MCC: variants seen among roughly 807,000 people sequenced by gnomAD.
The protein encoded by MCC is MCC regulator of Wnt signaling pathway, also known as colorectal mutant cancer protein.
MCC carries 90 observed loss-of-function variants against 116.2 expected under a neutral mutation model. That is an observed-to-expected ratio of 0.77 (90% CI 0.65 to 0.92). MCC has a LOEUF of 0.92. Among genes scored for constraint, MCC ranks in the 40% least tolerant of loss-of-function variants. The pLI is 0.00. For missense variants in MCC, 1,516 were observed against 1,312.2 expected (o/e 1.16, Z -2.40); for synonymous variants, 578 against 510.5 (o/e 1.13, Z -1.78).
At chr5:113,253,562 G>T (rs1342555367) in intron 3 of MCC, among the ~76,000 whole-genome samples, 1 of 152,094 alleles carries the variant, frequency 6.6e-6, no homozygotes, top group Non-Finnish European at 1.5e-5. Context: ...GAAAGAAAAG[G>T]CCAACAGGGG....
intron 3 of MCC, among the ~76,000 whole-genome samples, chr5:113,202,499 A>G (rs1033313045): frequency 2.0e-5 from 3 of 152,220 alleles, no homozygotes; most frequent in African/African-American, 7.2e-5. Flanking sequence ...GTTAGCCTAC[A>G]GGATCATCAC....
chr5:113,198,812 G>C (rs889732679), intron 3 of MCC, among the ~76,000 whole-genome samples: 4 of 152,102 alleles, frequency 2.6e-5, no homozygotes, highest in African/African-American at 9.7e-5. Flanking sequence ...GCTGGGCTGG[G>C]TTGGGAGGCG....
intron 3 of MCC, among the ~76,000 whole-genome samples, chr5:113,266,718 A>G (rs1293080308): frequency 6.6e-6 from 1 of 152,144 alleles, no homozygotes; most frequent in Non-Finnish European, 1.5e-5. Flanking sequence ...GCACTTACAA[A>G]GCTTTTTTGC....
intron 2 of MCC, among the ~76,000 whole-genome samples, chr5:113,360,951 G>A (rs887835688): frequency 6.6e-6 from 1 of 152,134 alleles, no homozygotes; most frequent in Non-Finnish European, 1.5e-5. Flanking sequence ...CATGCCCTTA[G>A]CTAGCCCAGT....
intron 1 of MCC, among the ~76,000 whole-genome samples, chr5:113,460,349 T>A (rs1288068747): frequency 6.6e-6 from 1 of 152,168 alleles, no homozygotes; most frequent in Non-Finnish European, 1.5e-5. Context: ...GTCCAGCAGC[T>A]CTCTGTTTGG....
chr5:113,461,650 G>A (rs1771746090), intron 1 of MCC, among the ~76,000 whole-genome samples: 1 of 150,836 alleles, frequency 6.6e-6, no homozygotes, highest in Non-Finnish European at 1.5e-5. Flanking sequence ...CAGCCTGAGT[G>A]ACAGAGTGGG....
At chr5:113,240,424 T>C (rs1217555896) in intron 3 of MCC, among the ~76,000 whole-genome samples, 6 of 152,326 alleles carry the variant, frequency 3.9e-5, no homozygotes, top group South Asian at 2.1e-4. Context: ...CTGCTTATGA[T>C]AGGTGTGGAA....
intron 8 of MCC, chr5:113,101,489 G>C: frequency 2.0e-6 from 1 of 505,732 alleles, no homozygotes; most frequent in South Asian, 2.5e-5. Context: ...TCACTGCCCC[G>C]ATGTAATTTT....
At chr5:113,155,044 C>A (rs1056769796) in intron 3 of MCC, among the ~76,000 whole-genome samples, 6 of 152,186 alleles carry the variant, frequency 3.9e-5, no homozygotes, top group Non-Finnish European at 8.8e-5. Flanking sequence ...ACTATCCTCA[C>A]ATTCTTCCCC....
At chr5:113,041,006 G>A (rs533797415) in intron 17 of MCC, among the ~76,000 whole-genome samples, 10 of 152,320 alleles carry the variant, frequency 6.6e-5, no homozygotes, top group East Asian at 1.9e-4. Context: ...TTTCCATCCC[G>A]TGTTTCTGGC....
intron 1 of MCC, among the ~76,000 whole-genome samples, chr5:113,446,052 G>T (rs1381592470): frequency 1.3e-5 from 2 of 152,132 alleles, no homozygotes; most frequent in African/African-American, 4.8e-5. Context: ...ATATGCAGAA[G>T]AATTCAACTG....
chr5:113,335,979 A>G (rs923644504), intron 3 of MCC, among the ~76,000 whole-genome samples: 2 of 151,718 alleles, frequency 1.3e-5, no homozygotes, highest in African/African-American at 4.9e-5. Context: ...TTATTGGCTT[A>G]TAGTTCTGGA....
At chr5:113,433,696 A>G in intron 1 of MCC, 1 of 1,577,568 alleles carries the variant, frequency 6.3e-7, no homozygotes, top group South Asian at 1.2e-5. Flanking sequence ...CTTGGGCTTT[A>G]AGCCGTGAGC....
intron 3 of MCC, among the ~76,000 whole-genome samples, chr5:113,280,145 A>G (rs1765986885): frequency 2.0e-5 from 3 of 152,172 alleles, no homozygotes; most frequent in Admixed American, 1.3e-4. Flanking sequence ...ATCTGGCTGG[A>G]AACAAAGCTC....
chr5:113,113,651 C>A (rs200200398), intron 6 of MCC, among the ~76,000 whole-genome samples: 1,704 of 108,028 alleles, frequency 0.016, no homozygotes, highest in Non-Finnish European at 0.017. Flanking sequence ...TATGTTCTTG[C>A]AAAAAAAAAA....
intron 17 of MCC, among the ~76,000 whole-genome samples, chr5:113,029,411 G>A (rs1447317858): frequency 6.7e-6 from 1 of 150,258 alleles, no homozygotes; most frequent in Non-Finnish European, 1.5e-5. Flanking sequence ...ACCCCCGTCT[G>A]TCTCCATCCC....
intron 3 of MCC, among the ~76,000 whole-genome samples, chr5:113,190,611 A>G (rs1186519424): frequency 5.9e-5 from 9 of 152,198 alleles, no homozygotes; most frequent in African/African-American, 2.2e-4. Context: ...GAAAAAACCA[A>G]ACAGACAAAA....
chr5:113,481,509 C>T (rs887425353), intron 1 of MCC, among the ~76,000 whole-genome samples: 11 of 152,120 alleles, frequency 7.2e-5, no homozygotes, highest in African/African-American at 9.6e-5. Flanking sequence ...GAGGCTGAGG[C>T]GGGTGGATCA....
At chr5:113,400,019 TG>T (rs1157002997) in intron 1 of MCC, 15 of 152,280 alleles carry the variant, frequency 9.9e-5, no homozygotes, top group Non-Finnish European at 1.5e-4. Flanking sequence ...TATGTTTACA[TG>T]TTTTTTTAAC....
Sources: allele counts gnomAD v4.1 joint callset (sites outside exome capture counted in the v4.1 genomes callset), GRCh38; gene constraint gnomAD v4.1.1; transcripts MANE v1.5; gene names NCBI Gene and HGNC (gene_info 2026-07-23, HGNC 2026-07-21).